DNAH2: variants seen among roughly 807,000 people sequenced by gnomAD.
DNAH2 encodes the protein dynein axonemal heavy chain 2, also known as axonemal beta dynein heavy chain 2.
In DNAH2, 323 loss-of-function variants were observed where a neutral mutation model predicts 523.5. That is an observed-to-expected ratio of 0.62 (90% CI 0.56 to 0.68). The LOEUF (loss-of-function observed/expected upper bound fraction) is 0.68. DNAH2 is among the 30% of genes least tolerant of loss of function. The probability of loss-of-function intolerance (pLI) is 0.00; values close to 1 mark genes in which losing one functional copy is unlikely to be tolerated. For missense variants in DNAH2, 4,907 were observed against 5,701.5 expected (o/e 0.86, Z 4.49); for synonymous variants, 2,093 against 2,177.4 (o/e 0.96, Z 1.08).
At chr17:7,815,437 G>C (rs77987333) in intron 63 of DNAH2, among the ~76,000 whole-genome samples, 2,205 of 152,304 alleles carry the variant, frequency 0.014, 53 homozygotes, top group African/African-American at 0.05. Context: ...ATGATGAAAA[G>C]GACGGTGATA....
At chr17:7,779,130 A>T in intron 35 of DNAH2, 113 bp from the exon 36 acceptor site, 1 of 1,257,874 alleles carries the variant, frequency 7.9e-7, no homozygotes. Flanking sequence ...CCTGCCCCCT[A>T]GTCTGGAGGC....
In DNAH2 at chr17:7,786,525, T is replaced by C. The variant is rs367877370; in HGVS notation, c.6349-45T>C. ...AGAGGGGTCTGGAAATAAAGAGGGG[T>C]TTTTGTCCATCAGCAGCTAAAACCC... On this transcript the variant is annotated intron_variant, in intron 40 of 85. Coordinates refer to ENST00000572933, the MANE Select transcript of DNAH2 (RefSeq NM_020877.5). This position sits in a 1 kb window ranked among gnomAD's most constrained non-coding sequence, Gnocchi z 7.5. The C allele has an allele frequency of 1.9e-5, 29 of 1,565,138 alleles. No individual in the cohort carries two copies. Among genetic ancestry groups the C allele is most frequent in the Non-Finnish European group, 2.4e-5 (27 of 1,140,352 alleles).
chr17:7,724,592 T>A (rs2543539), intron 3 of DNAH2, among the ~76,000 whole-genome samples: 107,462 of 151,878 alleles, frequency 0.71, 39,041 homozygotes, highest in East Asian at 0.99. Flanking sequence ...TACTCCAGTC[T>A]GGGCAATAAG....
At chr17:7,829,714 A>G (rs1288220738) in intron 77 of DNAH2, among the ~76,000 whole-genome samples, 6 of 151,926 alleles carry the variant, frequency 3.9e-5, no homozygotes, top group African/African-American at 1.5e-4. Flanking sequence ...TGAGAACATC[A>G]GGGCCGAGAG....
chr17:7,757,070 C>G lies in DNAH2; in HGVS notation c.1905-21C>G, dbSNP rs548234697. 8.1e-6 allele frequency: 13 copies of G among 1,613,740 alleles called. No homozygotes were observed. The South Asian group carries it at 1.4e-4, about 18-fold the overall frequency. On this transcript the variant is annotated intron_variant, in intron 12 of 85. Transcript: ENST00000572933. ...ATCCCCTCGTGCGGTCCCCTCACTG[C>G]CTGGCTGCTCTCTCTCAAAGGTCCC...
In DNAH2 at chr17:7,741,002, T is replaced by A. The variant is rs758472851; in HGVS notation, c.1689+10T>A. Reference sequence around the variant, plus strand: ...CGACAGAGTCATGACCGTAAGTGCCTGGCCTTCTCCATATTCTGTCGTCAG... The same window carrying A: ...CGACAGAGTCATGACCGTAAGTGCCAGGCCTTCTCCATATTCTGTCGTCAG... On this transcript the variant is annotated intron_variant, in intron 11 of 85. Coordinates refer to ENST00000572933, the MANE Select transcript of DNAH2 (RefSeq NM_020877.5). 2.5e-6 allele frequency: 4 copies of A among 1,590,180 alleles called. No individual in the cohort carries two copies. In the East Asian group the frequency reaches 9.1e-5, roughly 36 times the overall value.
chr17:7,727,531 G>A (rs2074856628), intron 4 of DNAH2, among the ~76,000 whole-genome samples: 1 of 152,118 alleles, frequency 6.6e-6, no homozygotes, highest in South Asian at 2.1e-4. Context: ...AGGCGGGTGG[G>A]CGGATCATGA....
At chr17:7,728,172 C>G (rs778708566) in intron 4 of DNAH2, among the ~76,000 whole-genome samples, 1 of 152,058 alleles carries the variant, frequency 6.6e-6, no homozygotes, top group Non-Finnish European at 1.5e-5. Context: ...ATACATTAGA[C>G]AAGGGTAGAC....
At chr17:7,731,305 T>C (rs1190955146) in intron 4 of DNAH2, among the ~76,000 whole-genome samples, 2 of 151,938 alleles carry the variant, frequency 1.3e-5, no homozygotes, top group African/African-American at 4.8e-5. Context: ...GAACTCAAAA[T>C]TGAAAGTTAG....
chr17:7,833,454 T>C lies in DNAH2; in HGVS notation c.13205T>C (p.Ile4402Thr), dbSNP rs958834264. 1.9e-6 allele frequency: 3 copies of C among 1,614,084 alleles called. No homozygotes were observed. The highest frequency in any genetic ancestry group is 2.7e-5 in the African/African-American group (2 of 74,942). ...SSDRASFVIGIDLRSGAMTPD... is the reference protein window; with the variant it reads ...SSDRASFVIGTDLRSGAMTPD... ...GACCGAGCCTCCTTTGTCATCGGCA[T>C]TGACCTGCGGTCTGGGGCCATGACA... is the stretch of plus-strand genomic sequence containing the variant. The change falls in exon 86 of 86, where the codon ATT (isoleucine) becomes ACT (threonine). Residue 4402 changes from isoleucine to threonine, a missense_variant. Ile to Thr is a moderately conservative substitution (Grantham distance 89). Transcript: ENST00000572933.
chr17:7,824,848 C>T, intron 77 of DNAH2, 121 bp downstream of exon 77: 1 of 839,458 alleles, frequency 1.2e-6, no homozygotes, highest in Non-Finnish European at 1.7e-6. Flanking sequence ...AAAATTCCAC[C>T]TCATTCCTCT....
In DNAH2 at chr17:7,775,353, G is replaced by A; in HGVS notation, c.4821+11G>A. 1 of 1,605,238 alleles carries A rather than the reference G, an allele frequency of 6.2e-7. No homozygotes were observed. Among genetic ancestry groups the A allele is most frequent in the Non-Finnish European group, 8.5e-7 (1 of 1,174,978 alleles). ...GAAGGCCCTGTGGAGGTGAGTTGTG[G>A]TGAGGGTCTGAGGACCTAGCTGATT... On this transcript the variant is annotated intron_variant, in intron 30 of 85. Coordinates refer to ENST00000572933, the MANE Select transcript of DNAH2 (RefSeq NM_020877.5).
Position 7,832,692 on chromosome 17 carries a change from T to C in DNAH2, c.12840T>C (p.Ser4280=). The C allele has an allele frequency of 6.2e-7, 1 of 1,614,148 alleles. No individual in the cohort carries two copies. The highest frequency in any genetic ancestry group is 8.5e-7 in the Non-Finnish European group (1 of 1,180,030). ...RARPPVIFWL[S]GFTFPTGFLT... is the part of the protein sequence containing the mutation. ...GGCCTCCTGTGATCTTCTGGTTGTC[T>C]GGTTTCACCTTTCCCACTGGCTTCC... Residue 4280 remains serine, a synonymous_variant, in exon 83 of 86, where the codon TCT becomes TCC. Transcript: ENST00000572933. The surrounding 1 kb of genome is among the most constrained non-coding windows in gnomAD (Gnocchi z 4.3).
rs9905069 is a variant in DNAH2 at position 7,791,232 on chromosome 17, G to A, written c.6901-685G>A. 4.0e-5 allele frequency among the ~76,000 whole-genome samples: 6 copies of A among 151,810 alleles called. No individual in the cohort carries two copies. In the East Asian group the frequency reaches 5.8e-4, roughly 15 times the overall value. On this transcript the variant is annotated intron_variant, in intron 44 of 85. Transcript: ENST00000572933. ...GGGATTAACAGGCACCACCACACCC[G>A]GCTAATTTTTGTATTTTTAGTAGAG... is the stretch of plus-strand genomic sequence containing the variant.
chr17:7,722,457 A>C (rs7213942), intron 2 of DNAH2, among the ~76,000 whole-genome samples: 31,968 of 152,144 alleles, frequency 0.21, 3,599 homozygotes, highest in East Asian at 0.38. Flanking sequence ...CCGCCAAAAG[A>C]AAGCCACTTT....
At chr17:7,750,063 T>C (rs1461349866) in intron 12 of DNAH2, among the ~76,000 whole-genome samples, 1 of 152,130 alleles carries the variant, frequency 6.6e-6, no homozygotes. Flanking sequence ...GGAATTTCGC[T>C]CTGTTGCCCA....
chr17:7,814,583 G>T (rs1245784788), intron 63 of DNAH2, among the ~76,000 whole-genome samples: 2 of 152,232 alleles, frequency 1.3e-5, no homozygotes, highest in Non-Finnish European at 2.9e-5. Flanking sequence ...TTAAAAAGTA[G>T]TTTGCCATGG....
At chr17:7,750,104 G>A (rs145199357) in intron 12 of DNAH2, among the ~76,000 whole-genome samples, 1 of 151,972 alleles carries the variant, frequency 6.6e-6, no homozygotes, top group Non-Finnish European at 1.5e-5. Context: ...AGGTTCAAGC[G>A]ATTCTCCTAC....
chr17:7,754,490 T>C lies in DNAH2; in HGVS notation c.1905-2601T>C. The C allele has an allele frequency of 1.4e-6, 1 of 732,146 alleles. No homozygotes were observed. The highest frequency in any genetic ancestry group is 2.3e-6 in the Non-Finnish European group (1 of 429,496). 45.4% of individuals were successfully genotyped at this position (732,146 alleles called of 1,614,324 possible). Reference sequence around the variant, plus strand: ...CAAAGATACAAATCTCTTAAGGGGGTGGACTCCAAGTTCCTGAGGAACATG... The same window carrying C: ...CAAAGATACAAATCTCTTAAGGGGGCGGACTCCAAGTTCCTGAGGAACATG... On this transcript the variant is annotated intron_variant, in intron 12 of 85. Transcript: ENST00000572933. The surrounding 1 kb of genome is among the most constrained non-coding windows in gnomAD (Gnocchi z 4.6).
Sources: allele counts gnomAD v4.1 joint callset (sites outside exome capture counted in the v4.1 genomes callset), GRCh38; gene constraint gnomAD v4.1.1; non-coding constraint Gnocchi (gnomAD v3.1); transcripts MANE v1.5; gene names NCBI Gene and HGNC (gene_info 2026-07-23, HGNC 2026-07-21).